The following TAFA2 variants were observed in gnomAD, a reference collection of about 807,000 sequenced individuals.
TAFA2 encodes TAFA chemokine like family member 2, also known as chemokine-like protein TAFA-2.
A neutral mutation model predicts 18.8 loss-of-function variants in TAFA2; 7 were observed. The observed-to-expected ratio is 0.37, with a 90% confidence interval of 0.21 to 0.70. The LOEUF is 0.70. TAFA2 is among the 30% of genes least tolerant of loss of function. TAFA2 has a pLI of 0.53. For missense variants in TAFA2, 122 were observed against 158.1 expected (o/e 0.77, Z 1.23); for synonymous variants, 60 against 54.2 (o/e 1.11, Z -0.47).
chr12:62,257,199 T>TGTGTGTGTGTGTGTGTGG (rs2062944923), intron 1 of TAFA2, among the ~76,000 whole-genome samples: 1 of 104,252 alleles, frequency 9.6e-6, no homozygotes, highest in Non-Finnish European at 2.1e-5. Flanking sequence ...TGTGTGTGTG[T>TGTGTGTGTGTGTGTGTGG]GTGATTTGCT....
intron 1 of TAFA2, among the ~76,000 whole-genome samples, chr12:62,210,268 A>G (rs1362879058): frequency 2.0e-5 from 3 of 152,238 alleles, no homozygotes; most frequent in East Asian, 3.9e-4. Flanking sequence ...GAGCATCAAC[A>G]AGAATTCTTA....
At chr12:62,166,665 G>A (rs2136936154) in intron 1 of TAFA2, among the ~76,000 whole-genome samples, 1 of 152,214 alleles carries the variant, frequency 6.6e-6, no homozygotes, top group Non-Finnish European at 1.5e-5. Flanking sequence ...TTGCCAGAAG[G>A]GGATTGTCCC....
At chr12:61,755,490 A>G (rs1236178122) in intron 2 of TAFA2, among the ~76,000 whole-genome samples, 2 of 152,074 alleles carry the variant, frequency 1.3e-5, no homozygotes, top group Non-Finnish European at 2.9e-5. Flanking sequence ...CAGGAAGTGG[A>G]GGCAGACAGT....
intron 1 of TAFA2, among the ~76,000 whole-genome samples, chr12:62,046,172 G>A (rs1356432627): frequency 6.6e-6 from 1 of 152,108 alleles, no homozygotes; most frequent in Non-Finnish European, 1.5e-5. Context: ...AAAGATTAAA[G>A]TGTGTTTCTG....
chr12:62,067,692 A>T (rs1363551976), intron 1 of TAFA2, among the ~76,000 whole-genome samples: 1 of 152,018 alleles, frequency 6.6e-6, no homozygotes, highest in Non-Finnish European at 1.5e-5. Context: ...TTATGGCAGT[A>T]CCATGCCATT....
intron 1 of TAFA2, among the ~76,000 whole-genome samples, chr12:62,123,777 CACAT>C (rs369863282): frequency 0.017 from 2,055 of 117,946 alleles, 40 homozygotes; most frequent in East Asian, 0.065. Context: ...CCCCACCACA[CACAT>C]ACACACACAC....
intron 1 of TAFA2, among the ~76,000 whole-genome samples, chr12:62,042,352 G>C (rs148438731): frequency 2.6e-5 from 4 of 151,838 alleles, no homozygotes; most frequent in Non-Finnish European, 5.9e-5. Flanking sequence ...TCAGGTGCTT[G>C]CATCCCAATT....
chr12:62,027,467 C>T (rs1881339191), intron 1 of TAFA2, among the ~76,000 whole-genome samples: 1 of 151,994 alleles, frequency 6.6e-6, no homozygotes, highest in African/African-American at 2.4e-5. Context: ...TTGCAACAAA[C>T]AAAGCAAAAA....
intron 1 of TAFA2, among the ~76,000 whole-genome samples, chr12:61,961,759 G>A (rs1878894442): frequency 6.6e-6 from 1 of 151,952 alleles, no homozygotes; most frequent in African/African-American, 2.4e-5. Context: ...TGGTTCTTGT[G>A]TTTGTTTGTT....
chr12:61,945,705 A>G (rs1235451101), intron 1 of TAFA2, among the ~76,000 whole-genome samples: 2 of 140,416 alleles, frequency 1.4e-5, no homozygotes, highest in African/African-American at 2.7e-5. Context: ...TCCCATTCAC[A>G]ATTGCTTCAA....
chr12:61,924,054 G>C (rs554198169), intron 1 of TAFA2, among the ~76,000 whole-genome samples: 12 of 151,564 alleles, frequency 7.9e-5, no homozygotes, highest in African/African-American at 2.9e-4. Context: ...AAAAGAAAAG[G>C]AACGAACAAA....
At chr12:61,755,133 A>T (rs959589906) in intron 2 of TAFA2, 109 bp from the exon 3 acceptor site, 4 of 963,458 alleles carry the variant, frequency 4.2e-6, no homozygotes, top group Admixed American at 2.7e-5. Flanking sequence ...GGGGTCCACC[A>T]GGCATGAAAC....
chr12:61,710,304 C>T lies in TAFA2; in HGVS notation c.*102G>A. Reference sequence around the variant, plus strand: ...GAAATAGACTATTGAGCGCCTCTTTCAAGTGGTATAAAAATCTTCAAGATC... The same window carrying T: ...GAAATAGACTATTGAGCGCCTCTTTTAAGTGGTATAAAAATCTTCAAGATC... On this transcript the variant is annotated 3_prime_UTR_variant, in exon 5 of 5. Transcript: ENST00000416284. 9.2e-7 allele frequency: 1 copy of T among 1,083,980 alleles called. No individual in the cohort carries two copies. The highest frequency in any genetic ancestry group is 1.4e-6 in the Non-Finnish European group (1 of 705,720). 67.1% of individuals were successfully genotyped at this position (1,083,980 alleles called of 1,614,324 possible).
intron 1 of TAFA2, among the ~76,000 whole-genome samples, chr12:62,055,279 A>G (rs1882159420): frequency 6.6e-6 from 1 of 152,208 alleles, no homozygotes; most frequent in Non-Finnish European, 1.5e-5. Flanking sequence ...GTATTTTGTT[A>G]CAAAATCCCA....
intron 4 of TAFA2, among the ~76,000 whole-genome samples, chr12:61,722,454 C>A (rs556802760): frequency 4.6e-5 from 7 of 152,156 alleles, no homozygotes; most frequent in Non-Finnish European, 1.0e-4. Context: ...TATATCAAAG[C>A]CAACACAGTT....
intron 2 of TAFA2, among the ~76,000 whole-genome samples, chr12:61,858,934 C>T (rs1874000396): frequency 6.6e-6 from 1 of 152,130 alleles, no homozygotes. Flanking sequence ...TGCTATATCA[C>T]AATATGGATG....
chr12:62,203,673 T>C (rs571690413), intron 1 of TAFA2, among the ~76,000 whole-genome samples: 97 of 152,348 alleles, frequency 6.4e-4, no homozygotes, highest in Non-Finnish European at 1.1e-3. Context: ...TTTTTTTGGC[T>C]TTCCATTTGC....
chr12:61,837,144 T>G (rs1468851620), intron 2 of TAFA2, among the ~76,000 whole-genome samples: 1 of 151,942 alleles, frequency 6.6e-6, no homozygotes, highest in African/African-American at 2.4e-5. Flanking sequence ...CTTGTCTATG[T>G]CTTGTGACTT....
intron 1 of TAFA2, among the ~76,000 whole-genome samples, chr12:61,962,736 T>C (rs1165629221): frequency 1.3e-5 from 2 of 151,896 alleles, no homozygotes; most frequent in Non-Finnish European, 2.9e-5. Context: ...ATGTTCCCGG[T>C]CTCATCTGTA....
Sources: gnomAD v4.1 joint callset for allele counts (sites outside exome capture counted in the v4.1 genomes callset) on GRCh38, gnomAD v4.1.1 for gene constraint, MANE v1.5 for transcripts, NCBI Gene and HGNC (gene_info 2026-07-23, HGNC 2026-07-21) for gene names.